Variants in GNB5 observed in about 807,000 individuals in gnomAD.
GNB5 encodes guanine nucleotide-binding protein subunit beta-5.
In GNB5, 37 loss-of-function variants were observed where a neutral mutation model predicts 55.3. The ratio of observed to expected loss-of-function variants is 0.67; its 90% CI spans 0.51 to 0.88. The LOEUF (loss-of-function observed/expected upper bound fraction) is 0.88. Among genes scored for constraint, GNB5 ranks in the 40% least tolerant of loss-of-function variants. GNB5 has a pLI of 0.00. For synonymous variants in GNB5, 219 were observed against 198.5 expected (o/e 1.10, Z -0.87); for missense variants, 476 against 515.3 (o/e 0.92, Z 0.74).
rs1265292836 is a variant in GNB5 at position 52,122,432 on chromosome 15, T to C, written c.*325A>G. On this transcript the variant is annotated 3_prime_UTR_variant, in exon 13 of 13. Transcript: ENST00000261837. ...ATTCAAAGAAATAATATGGAATATATTAACTGCTGAATTCTACTGGTGACA... is the reference window on the plus strand; with the variant it reads ...ATTCAAAGAAATAATATGGAATATACTAACTGCTGAATTCTACTGGTGACA... 2 of 298,508 alleles carry C rather than the reference T, an allele frequency of 6.7e-6. No homozygotes were observed. Among genetic ancestry groups the C allele is most frequent in the African/African-American group, 4.3e-5 (2 of 46,186 alleles). 18.5% of individuals were successfully genotyped at this position (298,508 alleles called of 1,614,324 possible). A position where few individuals can be genotyped will look rare whatever the true frequency, so the allele number is the denominator to read the frequency against.
chr15:52,167,592 A>G (rs181762965), intron 3 of GNB5, among the ~76,000 whole-genome samples: 1 of 152,206 alleles, frequency 6.6e-6, no homozygotes, highest in Admixed American at 6.5e-5. Context: ...AATCGCCTGA[A>G]CGCAGGAGGT....
At chr15:52,190,778 TAAAAAAAAAAAAAAAAA>T (rs58614125) in intron 1 of GNB5, among the ~76,000 whole-genome samples, 6,976 of 97,098 alleles carry the variant, frequency 0.072, 297 homozygotes, top group Non-Finnish European at 0.081. Flanking sequence ...CTTATTTCCT[TAAAAAAAAAAAAAAAAA>T]AAAAAAAAAA....
chr15:52,179,178 TAAAC>T (rs2034710456), intron 3 of GNB5, among the ~76,000 whole-genome samples: 1 of 152,198 alleles, frequency 6.6e-6, no homozygotes, highest in Non-Finnish European at 1.5e-5. Flanking sequence ...TAAACAGCCT[TAAAC>T]GAACTGAACG....
intron 7 of GNB5, 91 bp downstream of exon 7, chr15:52,141,049 G>C (rs751730126): frequency 3.6e-5 from 39 of 1,084,852 alleles, no homozygotes; most frequent in Non-Finnish European, 5.2e-5. Flanking sequence ...CAGCCATCTT[G>C]TTCAGAGAGA....
Position 52,117,102 on chromosome 15 carries a change from A to ATATATATATATATATATATATTTT in GNB5, c.*5654_*5655insAAAATATATATATATATATATATA. On this transcript the variant is annotated 3_prime_UTR_variant, in exon 13 of 13. Transcript: ENST00000261837. ...CCACGCCCAGCTAATATATATATAT[A>ATATATATATATATATATATATTTT]TTTTTTTTTAGTACAGACAGGGTTT... The ATATATATATATATATATATATTTT allele has an allele frequency of 6.9e-5, 6 of 87,094 alleles. No individual in the cohort carries two copies. Among genetic ancestry groups the ATATATATATATATATATATATTTT allele is most frequent in the African/African-American group, 3.0e-4 (5 of 16,442 alleles). 5.4% of individuals were successfully genotyped at this position (87,094 alleles called of 1,614,324 possible).
In GNB5 at chr15:52,117,102, A is replaced by ATATATATATATATATATATTTTTTTTT; in HGVS notation, c.*5654_*5655insAAAAAAAAATATATATATATATATATA. 38 of 87,090 alleles carry ATATATATATATATATATATTTTTTTTT rather than the reference A, an allele frequency of 4.4e-4. 2 individuals are homozygous for ATATATATATATATATATATTTTTTTTT. Among genetic ancestry groups the ATATATATATATATATATATTTTTTTTT allele is most frequent in the African/African-American group, 2.3e-3 (38 of 16,438 alleles). The allele number at this position is 87,090 out of a possible 1,614,324, so 5.4% of individuals were successfully genotyped here. On this transcript the variant is annotated 3_prime_UTR_variant, in exon 13 of 13. Coordinates refer to ENST00000261837, the MANE Select transcript of GNB5 (RefSeq NM_016194.4). ...CCACGCCCAGCTAATATATATATAT[A>ATATATATATATATATATATTTTTTTTT]TTTTTTTTTAGTACAGACAGGGTTT...
Position 52,154,085 on chromosome 15 carries a change from A to AC in GNB5, c.239-10dup. 1.2e-6 allele frequency: 2 copies of AC among 1,613,270 alleles called. No individual in the cohort carries two copies. Among genetic ancestry groups the AC allele is most frequent in the South Asian group, 2.2e-5 (2 of 90,936 alleles). ...CTCCGCCACCTGGTGCACTGGAATG[A>AC]CAAGGCCATAGTCAGTCCCCTTGCT... is the stretch of plus-strand genomic sequence containing the variant. On this transcript the variant is annotated splice_polypyrimidine_tract_variant and intron_variant, in intron 3 of 12. Coordinates refer to ENST00000261837, the MANE Select transcript of GNB5 (RefSeq NM_016194.4).
chr15:52,166,567 C>T (rs559905831), intron 3 of GNB5, among the ~76,000 whole-genome samples: 5 of 152,134 alleles, frequency 3.3e-5, no homozygotes, highest in Non-Finnish European at 5.9e-5. Context: ...AATTGAACAA[C>T]CTGTTCCTGA....
intron 6 of GNB5, among the ~76,000 whole-genome samples, chr15:52,146,148 G>A (rs930241730): frequency 4.6e-5 from 7 of 151,814 alleles, no homozygotes; most frequent in East Asian, 1.9e-4. Context: ...TAGTAGAGAC[G>A]GGGTTTCACC....
intron 3 of GNB5, among the ~76,000 whole-genome samples, chr15:52,176,374 T>C (rs184379505): frequency 6.6e-6 from 1 of 152,242 alleles, no homozygotes; most frequent in Non-Finnish European, 1.5e-5. Context: ...ATGGGGATGA[T>C]ACCACTTTCC....
At chr15:52,159,120 A>G (rs2034277690) in intron 3 of GNB5, among the ~76,000 whole-genome samples, 1 of 152,142 alleles carries the variant, frequency 6.6e-6, no homozygotes, top group Non-Finnish European at 1.5e-5. Context: ...TTACATCAAT[A>G]TTTTTTAGGG....
chr15:52,157,112 T>C (rs2034225157), intron 3 of GNB5, among the ~76,000 whole-genome samples: 1 of 151,832 alleles, frequency 6.6e-6, no homozygotes, highest in African/African-American at 2.4e-5. Context: ...ATTTTTTGTA[T>C]TTTTAGTAGA....
At chr15:52,168,536 T>A (rs910607709) in intron 3 of GNB5, among the ~76,000 whole-genome samples, 10 of 152,178 alleles carry the variant, frequency 6.6e-5, no homozygotes, top group Non-Finnish European at 1.3e-4. Flanking sequence ...AAAATGGCCA[T>A]ATTGCCCAAA....
intron 2 of GNB5, 77 bp from the exon 3 acceptor site, chr15:52,179,956 C>T (rs2034737528): frequency 1.4e-6 from 2 of 1,415,754 alleles, no homozygotes; most frequent in South Asian, 2.7e-5. Flanking sequence ...GCTCCAGCAG[C>T]CGTCCCCGGC....
chr15:52,133,324 A>G (rs1486794977), intron 9 of GNB5, 54 bp downstream of exon 9: 2 of 1,250,014 alleles, frequency 1.6e-6, no homozygotes, highest in Admixed American at 1.7e-5. Context: ...GGATTACCCA[A>G]GCCAGGCAAT....
intron 2 of GNB5, 193 bp from the exon 3 acceptor site, chr15:52,180,072 C>T (rs1596110168): frequency 5.2e-6 from 3 of 578,624 alleles, no homozygotes; most frequent in South Asian, 1.5e-4. Context: ...CGCGCTCTGG[C>T]GCAGTGCCTG....
chr15:52,170,521 C>CG (rs1201605233), intron 3 of GNB5, among the ~76,000 whole-genome samples: 2 of 152,042 alleles, frequency 1.3e-5, no homozygotes, highest in African/African-American at 4.8e-5. Flanking sequence ...ATGGACACAT[C>CG]GGGGGAACAA....
At chr15:52,153,795 G>A in intron 4 of GNB5, 145 bp downstream of exon 4, 3 of 641,484 alleles carry the variant, frequency 4.7e-6, no homozygotes, top group Non-Finnish European at 7.9e-6. Flanking sequence ...ATATGTAAGA[G>A]AGTTCTTTAT....
chr15:52,137,995 C>A, intron 7 of GNB5: 1 of 1,270,258 alleles, frequency 7.9e-7, no homozygotes, highest in Non-Finnish European at 1.0e-6. Flanking sequence ...GCATGCAATG[C>A]AACCACTGAC....
Sources: gnomAD v4.1 joint callset for allele counts (sites outside exome capture counted in the v4.1 genomes callset) on GRCh38, gnomAD v4.1.1 for gene constraint, MANE v1.5 for transcripts, NCBI Gene and HGNC (gene_info 2026-07-23, HGNC 2026-07-21) for gene names.